Variants in SEPTIN2 observed in about 807,000 individuals in gnomAD.
SEPTIN2 encodes the protein septin-2.
SEPTIN2 carries 34 observed loss-of-function variants against 46.5 expected under a neutral mutation model. That is an observed-to-expected ratio of 0.73 (90% CI 0.56 to 0.97). The LOEUF (loss-of-function observed/expected upper bound fraction) is 0.97, where lower values mean the gene tolerates loss of function less well. SEPTIN2 is among the 50% of genes least tolerant of loss of function. SEPTIN2 has a pLI of 0.00. For synonymous variants in SEPTIN2, 175 were observed against 153.4 expected (o/e 1.14, Z -1.04); for missense variants, 347 against 448.4 (o/e 0.77, Z 2.04).
At chr2:241,338,946 T>TATATATATAATATATATTATAAATATA (rs2080817504) in intron 7 of SEPTIN2, among the ~76,000 whole-genome samples, 11 of 80,414 alleles carry the variant, frequency 1.4e-4, no homozygotes, top group Non-Finnish European at 2.2e-4. Flanking sequence ...TTATATATAT[T>TATATATATAATATATATTATAAATATA]ATATATATAA....
intron 1 of SEPTIN2, among the ~76,000 whole-genome samples, chr2:241,323,024 A>G (rs2077376233): frequency 6.6e-6 from 1 of 152,184 alleles, no homozygotes; most frequent in Non-Finnish European, 1.5e-5. Context: ...ATCAACTTAA[A>G]AATTTTTTTA....
chr2:241,330,740 G>A, intron 3 of SEPTIN2, among the ~76,000 whole-genome samples: 1 of 152,170 alleles, frequency 6.6e-6, no homozygotes, highest in East Asian at 1.9e-4. Context: ...TTCAAATTAG[G>A]ACTGACTAAA....
At chr2:241,330,416 CAGG>C (rs879860231) in intron 3 of SEPTIN2, among the ~76,000 whole-genome samples, 2 of 152,182 alleles carry the variant, frequency 1.3e-5, no homozygotes, top group Admixed American at 6.5e-5. Context: ...AAGTGGACAT[CAGG>C]AGGGTTGCAG....
chr2:241,323,110 C>T (rs965381564), intron 1 of SEPTIN2, among the ~76,000 whole-genome samples: 5 of 151,602 alleles, frequency 3.3e-5, no homozygotes, highest in African/African-American at 9.7e-5. Flanking sequence ...TTCAAGCAGT[C>T]CTGCCTCTGC....
intron 3 of SEPTIN2, among the ~76,000 whole-genome samples, chr2:241,326,570 G>A (rs1385795168): frequency 3.6e-5 from 2 of 55,146 alleles, no homozygotes; most frequent in African/African-American, 1.3e-4. Flanking sequence ...ATTGAATAGG[G>A]TTTTACCTGT....
At position 241,343,031 on chromosome 2, in the gene SEPTIN2, C is replaced by T; in HGVS notation, c.634C>T (p.His212Tyr). The T allele has an allele frequency of 1.6e-5, 25 of 1,610,540 alleles. No homozygotes were observed. The highest frequency in any genetic ancestry group is 2.0e-5 in the Non-Finnish European group (24 of 1,177,190). Residue 212 changes from histidine to tyrosine, a missense_variant, in exon 8 of 13, where the codon CAC becomes TAC. Physicochemically the swap from His to Tyr is moderately conservative, Grantham distance 83. Coordinates refer to ENST00000391971, the MANE Select transcript of SEPTIN2 (RefSeq NM_004404.5). ...EIEEHNIKIYHLPDAESDEDE... is the reference protein window; with the variant it reads ...EIEEHNIKIYYLPDAESDEDE... ...TGAAGAACATAACATCAAAATCTAT[C>T]ACTTACCTGATGCAGAATCAGATGA... is the stretch of plus-strand genomic sequence containing the variant.
At chr2:241,320,839 C>T (rs976475681) in intron 1 of SEPTIN2, among the ~76,000 whole-genome samples, 2 of 151,462 alleles carry the variant, frequency 1.3e-5, no homozygotes, top group Admixed American at 6.6e-5. Flanking sequence ...CTTCTTTTTC[C>T]CCCCCTCATA....
chr2:241,338,834 A>ATATTATATTTATATTTTATATAATTTT (rs2080705287), intron 7 of SEPTIN2, among the ~76,000 whole-genome samples: 1 of 98,922 alleles, frequency 1.0e-5, no homozygotes, highest in African/African-American at 4.8e-5. Flanking sequence ...TATATAATAT[A>ATATTATATTTATATTTTATATAATTTT]TATAATAAAT....
intron 7 of SEPTIN2, among the ~76,000 whole-genome samples, chr2:241,338,730 ATAT>A (rs1404337671): frequency 3.9e-5 from 4 of 103,302 alleles, no homozygotes; most frequent in Non-Finnish European, 5.4e-5. Context: ...TATATTATAT[ATAT>A]TATATTATTT....
At position 241,335,087 on chromosome 2, in the gene SEPTIN2, T is replaced by C. The variant is rs779849531; in HGVS notation, c.131-39T>C. 9 of 1,412,624 alleles carry C rather than the reference T, an allele frequency of 6.4e-6. No individual in the cohort carries two copies. In the East Asian group the frequency reaches 9.1e-5, roughly 14 times the overall value. 87.5% of individuals were successfully genotyped at this position (1,412,624 alleles called of 1,614,324 possible). ...ACTTAACCGATTGAATGGTGTCATA[T>C]GAATAAGGTCATGACAAGGTTTTTC... is the stretch of plus-strand genomic sequence containing the variant. On this transcript the variant is annotated intron_variant, in intron 3 of 12. Coordinates refer to ENST00000391971, the MANE Select transcript of SEPTIN2 (RefSeq NM_004404.5).
chr2:241,333,106 C>T (rs886246172), intron 3 of SEPTIN2, among the ~76,000 whole-genome samples: 8 of 152,082 alleles, frequency 5.3e-5, no homozygotes, highest in African/African-American at 1.9e-4. Flanking sequence ...ATTTGTAAAT[C>T]GTGCCTCAAA....
At chr2:241,316,591 G>A (rs751036859) in intron 1 of SEPTIN2, 9 of 1,420,706 alleles carry the variant, frequency 6.3e-6, no homozygotes, top group Non-Finnish European at 8.3e-6. Flanking sequence ...GTATAGGGTT[G>A]GAGGCCGCCG....
At chr2:241,335,553 G>C in intron 4 of SEPTIN2, 1 of 620,944 alleles carries the variant, frequency 1.6e-6, no homozygotes, top group Non-Finnish European at 2.8e-6. Flanking sequence ...ATAGATGTTC[G>C]AATTCATCTA....
At chr2:241,351,941 A>G (rs919318124) in intron 12 of SEPTIN2, 26 bp from the exon 13 acceptor site, 21 of 152,584 alleles carry the variant, frequency 1.4e-4, no homozygotes, top group African/African-American at 5.1e-4. Flanking sequence ...CTCCCACTTA[A>G]GTGTGTTTTG....
At chr2:241,336,262 TTA>T in intron 5 of SEPTIN2, 164 bp downstream of exon 5, 1 of 753,782 alleles carries the variant, frequency 1.3e-6, no homozygotes, top group South Asian at 2.1e-5. Flanking sequence ...ATAAGGAATT[TTA>T]TAGAGAGTAA....
At chr2:241,348,010 A>C in intron 10 of SEPTIN2, 124 bp from the exon 11 acceptor site, 1 of 701,636 alleles carries the variant, frequency 1.4e-6, no homozygotes, top group Non-Finnish European at 2.4e-6. Context: ...GTGAGACACC[A>C]TCTCAATATA....
intron 3 of SEPTIN2, among the ~76,000 whole-genome samples, chr2:241,333,257 C>T (rs1384534160): frequency 2.0e-5 from 3 of 152,162 alleles, no homozygotes; most frequent in East Asian, 3.9e-4. Context: ...CCTAACACAC[C>T]TAATTAGTAA....
chr2:241,341,797 C>G (rs535570742), intron 7 of SEPTIN2, among the ~76,000 whole-genome samples: 5 of 152,332 alleles, frequency 3.3e-5, no homozygotes, highest in African/African-American at 1.2e-4. Flanking sequence ...GGGATATTTT[C>G]TGCTCACGTT....
At chr2:241,317,633 G>A in intron 1 of SEPTIN2, 1 of 863,510 alleles carries the variant, frequency 1.2e-6, no homozygotes, top group Non-Finnish European at 1.4e-6. Context: ...TCTGTTAGTA[G>A]TCATACATGC....
Sources: allele counts gnomAD v4.1 joint callset (sites outside exome capture counted in the v4.1 genomes callset), GRCh38; gene constraint gnomAD v4.1.1; transcripts MANE v1.5; gene names NCBI Gene and HGNC (gene_info 2026-07-23, HGNC 2026-07-21).